RANBP2: variants seen among roughly 807,000 people sequenced by gnomAD.
RANBP2 encodes the protein E3 SUMO-protein ligase RanBP2.
Under a neutral mutation model 303.6 loss-of-function variants are expected in RANBP2, and 57 were observed. That is an observed-to-expected ratio of 0.19 (90% confidence interval 0.15 to 0.23). The LOEUF is 0.23. Among genes scored for constraint, RANBP2 ranks in the 10% least tolerant of loss-of-function variants. The pLI is 1.00. For missense variants in RANBP2, 3,138 were observed against 3,780.8 expected (o/e 0.83, Z 4.46); for synonymous variants, 1,167 against 1,301.5 (o/e 0.90, Z 2.23).
chr2:108,819,996 T>G, the RANBP2 span, among the ~76,000 whole-genome samples: 2 of 152,096 alleles, frequency 1.3e-5, no homozygotes, highest in Non-Finnish European at 2.9e-5. Flanking sequence ...AAGATACAAA[T>G]TATAAGAAAG....
the RANBP2 span, among the ~76,000 whole-genome samples, chr2:109,729,531 TC>T: frequency 6.6e-6 from 1 of 152,036 alleles, no homozygotes; most frequent in Non-Finnish European, 1.5e-5. Flanking sequence ...CCAGCTGTAA[TC>T]CCAGCTACAC....
chr2:109,015,939 C>T, the RANBP2 span, among the ~76,000 whole-genome samples: 1,022 of 152,230 alleles, frequency 6.7e-3, 7 homozygotes, highest in South Asian at 0.027. Context: ...GTACAGGGGT[C>T]GGTGCCCCCA....
chr2:109,630,238 C>G, the RANBP2 span, among the ~76,000 whole-genome samples: 1 of 152,110 alleles, frequency 6.6e-6, no homozygotes, highest in African/African-American at 2.4e-5. Context: ...AAAAACCCTC[C>G]CTGGGGCAGC....
At chr2:108,845,885 A>G in the RANBP2 span, among the ~76,000 whole-genome samples, 20 of 152,258 alleles carry the variant, frequency 1.3e-4, no homozygotes, top group East Asian at 3.9e-3. Context: ...TTTATTCTTA[A>G]TAGATATATC....
the RANBP2 span, among the ~76,000 whole-genome samples, chr2:109,150,666 G>C: frequency 1.3e-5 from 2 of 152,106 alleles, no homozygotes; most frequent in South Asian, 2.1e-4. Context: ...GCTGCCTCTG[G>C]TTCCAGTCTG....
At chr2:109,648,924 G>A in the RANBP2 span, among the ~76,000 whole-genome samples, 1 of 152,226 alleles carries the variant, frequency 6.6e-6, no homozygotes, top group South Asian at 2.1e-4. Flanking sequence ...AGTGCCGGGA[G>A]TGTGGAGTGC....
At chr2:109,593,906 A>G in the RANBP2 span, among the ~76,000 whole-genome samples, 2 of 152,218 alleles carry the variant, frequency 1.3e-5, no homozygotes, top group Non-Finnish European at 2.9e-5. Flanking sequence ...CCATATCACT[A>G]TGCTAGCTCA....
the RANBP2 span, among the ~76,000 whole-genome samples, chr2:109,560,739 T>C: frequency 6.6e-6 from 1 of 152,162 alleles, no homozygotes; most frequent in Non-Finnish European, 1.5e-5. Context: ...CTAGTCCTCC[T>C]TCAGCCATAC....
At chr2:108,876,008 A>G in the RANBP2 span, 6 of 841,024 alleles carry the variant, frequency 7.1e-6, no homozygotes, top group African/African-American at 1.0e-4. Flanking sequence ...TCATGTTTAC[A>G]CATAAATTAT....
chr2:109,123,432 C>T, the RANBP2 span, among the ~76,000 whole-genome samples: 25 of 151,002 alleles, frequency 1.7e-4, 1 homozygote, highest in Admixed American at 4.6e-4. Context: ...GGGTCTGCCC[C>T]AAGCATGCCT....
At chr2:108,986,679 G>A in the RANBP2 span, among the ~76,000 whole-genome samples, 1 of 152,180 alleles carries the variant, frequency 6.6e-6, no homozygotes, top group African/African-American at 2.4e-5. Context: ...TCATGACAAC[G>A]CTTTGTAAAG....
At chr2:109,617,729 G>A in the RANBP2 span, 1 of 166,938 alleles carries the variant, frequency 6.0e-6, no homozygotes, top group South Asian at 2.1e-4. Flanking sequence ...GTTTAAAGAT[G>A]GATGAAAGGC....
the RANBP2 span, among the ~76,000 whole-genome samples, chr2:109,771,390 G>A: frequency 5.1e-5 from 5 of 97,610 alleles, 1 homozygote; most frequent in Non-Finnish European, 9.4e-5. Flanking sequence ...TGATCATCAC[G>A]TGCGGCGGCA....
intron 1 of RANBP2, among the ~76,000 whole-genome samples, chr2:108,722,848 A>G (rs1441921175): frequency 3.7e-4 from 56 of 151,778 alleles, no homozygotes; most frequent in East Asian, 1.6e-3. Context: ...CAGAGATTGC[A>G]CCACTGCACT....
the RANBP2 span, among the ~76,000 whole-genome samples, chr2:108,937,720 T>C: frequency 6.6e-5 from 10 of 152,184 alleles, no homozygotes; most frequent in East Asian, 1.9e-3. Context: ...TGTGTGTATG[T>C]GTGTGTGTAT....
At chr2:109,245,074 C>G in the RANBP2 span, among the ~76,000 whole-genome samples, 1 of 152,094 alleles carries the variant, frequency 6.6e-6, no homozygotes, top group African/African-American at 2.4e-5. Context: ...GCTGAGGGAC[C>G]CATTGCTGAG....
chr2:108,846,977 A>G, the RANBP2 span: 1 of 1,019,508 alleles, frequency 9.8e-7, no homozygotes, highest in East Asian at 2.4e-5. Context: ...AACAATAGAG[A>G]ATATCATATA....
the RANBP2 span, among the ~76,000 whole-genome samples, chr2:109,120,459 G>T: frequency 6.6e-6 from 1 of 152,154 alleles, no homozygotes; most frequent in Non-Finnish European, 1.5e-5. Context: ...TCCAGCCTCA[G>T]CCAAGTGCTC....
chr2:108,846,772 G>C, the RANBP2 span: 1 of 1,612,758 alleles, frequency 6.2e-7, no homozygotes, highest in Non-Finnish European at 8.5e-7. Flanking sequence ...AGGAGATTGG[G>C]TGAAGACATT....
Sources: allele counts gnomAD v4.1 joint callset (sites outside exome capture counted in the v4.1 genomes callset), GRCh38; gene constraint gnomAD v4.1.1; transcripts MANE v1.5; gene names NCBI Gene and HGNC (gene_info 2026-07-23, HGNC 2026-07-21).